Variants in IMMP2L observed in about 807,000 individuals in gnomAD.
IMMP2L encodes inner mitochondrial membrane peptidase subunit 2.
In IMMP2L, 18 loss-of-function variants were observed where a neutral mutation model predicts 19.3. The ratio of observed to expected loss-of-function variants is 0.93; its 90% CI spans 0.64 to 1.38. The LOEUF is 1.38. Among genes scored for constraint, IMMP2L ranks in the 40% most tolerant of loss-of-function variants. The probability of loss-of-function intolerance (pLI) is 0.00; values close to 1 mark genes in which losing one functional copy is unlikely to be tolerated. For missense variants in IMMP2L, 233 were observed against 218.2 expected (o/e 1.07, Z -0.43); for synonymous variants, 76 against 73.0 (o/e 1.04, Z -0.21).
chr7:111,216,433 T>C (rs1201551326), intron 3 of IMMP2L, among the ~76,000 whole-genome samples: 1 of 152,188 alleles, frequency 6.6e-6, no homozygotes, highest in East Asian at 1.9e-4. Flanking sequence ...TGCATAAATT[T>C]ATGGCGTACA....
Position 111,123,107 on chromosome 7 carries a change from T to TA in IMMP2L, c.240-159543dup. 3 of 1,613,642 alleles carry TA rather than the reference T, an allele frequency of 1.9e-6. No homozygotes were observed. The highest frequency in any genetic ancestry group is 2.5e-6 in the Non-Finnish European group (3 of 1,179,804). ...TTATCTTCAGTCACCAATATTAATGTAAAAAAGATGCCTCAGCTCCTTTCT... is the reference window on the plus strand; with the variant it reads ...TTATCTTCAGTCACCAATATTAATGTAAAAAAAGATGCCTCAGCTCCTTTCT... On this transcript the variant is annotated intron_variant, in intron 3 of 5. Coordinates refer to ENST00000405709, the MANE Select transcript of IMMP2L (RefSeq NM_032549.4). The surrounding 1 kb of genome is among the most constrained non-coding windows in gnomAD (Gnocchi z 6.4).
chr7:111,293,720 T>C (rs1461742621), intron 3 of IMMP2L, among the ~76,000 whole-genome samples: 1 of 151,942 alleles, frequency 6.6e-6, no homozygotes, highest in Non-Finnish European at 1.5e-5. Flanking sequence ...AGAGCTAACA[T>C]GCAATTTCTT....
intron 3 of IMMP2L, among the ~76,000 whole-genome samples, chr7:111,301,478 A>G (rs990837495): frequency 2.0e-5 from 3 of 151,894 alleles, no homozygotes; most frequent in Non-Finnish European, 4.4e-5. Flanking sequence ...CAATTTATCA[A>G]TCTTTCCTTC....
chr7:110,978,497 T>C (rs1210243054), intron 3 of IMMP2L, among the ~76,000 whole-genome samples: 4 of 151,918 alleles, frequency 2.6e-5, no homozygotes, highest in Non-Finnish European at 5.9e-5. Flanking sequence ...CCATTACTAT[T>C]TGCAATGTGG....
At chr7:111,075,577 T>G (rs1439170293) in intron 3 of IMMP2L, among the ~76,000 whole-genome samples, 1 of 152,238 alleles carries the variant, frequency 6.6e-6, no homozygotes, top group Non-Finnish European at 1.5e-5. Flanking sequence ...AGAATGTTTT[T>G]TCTCTGAGCC....
intron 5 of IMMP2L, among the ~76,000 whole-genome samples, chr7:110,834,018 C>T (rs573034420): frequency 3.7e-4 from 57 of 152,264 alleles, no homozygotes; most frequent in Non-Finnish European, 7.2e-4. Context: ...ATGCCAGTAA[C>T]TTGAGAATTA....
intron 3 of IMMP2L, 150 bp downstream of exon 3, chr7:111,487,088 C>G (rs1159501528): frequency 2.3e-6 from 1 of 433,794 alleles, no homozygotes; most frequent in African/African-American, 2.0e-5. Flanking sequence ...CATTGTTACA[C>G]TGCAAAATTG....
chr7:111,027,195 C>T (rs1435909350), intron 3 of IMMP2L, among the ~76,000 whole-genome samples: 1 of 152,090 alleles, frequency 6.6e-6, no homozygotes, highest in African/African-American at 2.4e-5. Flanking sequence ...TATAAACAAA[C>T]AACTCAGTAT....
intron 3 of IMMP2L, among the ~76,000 whole-genome samples, chr7:111,189,606 C>A (rs900538680): frequency 1.3e-5 from 2 of 151,632 alleles, no homozygotes; most frequent in Non-Finnish European, 2.9e-5. Flanking sequence ...CTAAACTCTA[C>A]AAATACTGAA....
At chr7:111,288,661 G>GA (rs1820757084) in intron 3 of IMMP2L, among the ~76,000 whole-genome samples, 1 of 151,946 alleles carries the variant, frequency 6.6e-6, no homozygotes, top group Non-Finnish European at 1.5e-5. Flanking sequence ...CAACAAACAT[G>GA]AAAAAAAGTT....
intron 2 of IMMP2L, among the ~76,000 whole-genome samples, chr7:111,519,176 T>C (rs561711624): frequency 6.6e-6 from 1 of 152,262 alleles, no homozygotes; most frequent in South Asian, 2.1e-4. Context: ...AAACTGGGCA[T>C]GCGAGCTGCC....
At chr7:111,527,997 G>T (rs1847041301) in intron 1 of IMMP2L, among the ~76,000 whole-genome samples, 1 of 152,004 alleles carries the variant, frequency 6.6e-6, no homozygotes, top group South Asian at 2.1e-4. Flanking sequence ...ATTGTGAGGG[G>T]CACCTATATT....
intron 3 of IMMP2L, among the ~76,000 whole-genome samples, chr7:111,079,593 C>T (rs933255445): frequency 1.4e-4 from 22 of 152,190 alleles, no homozygotes; most frequent in African/African-American, 5.1e-4. Flanking sequence ...ATTCAAAGCA[C>T]ATGTGTGCTT....
intron 3 of IMMP2L, among the ~76,000 whole-genome samples, chr7:111,118,477 T>G (rs897807574): frequency 9.9e-5 from 15 of 152,086 alleles, no homozygotes; most frequent in Admixed American, 8.5e-4. Flanking sequence ...TGTTTGATTT[T>G]AACGGCCTAA....
chr7:110,727,463 C>A lies in IMMP2L; in HGVS notation c.409-63742G>T, dbSNP rs904197020. ...TCAGACAGCACCAATGCTAGACTAA[C>A]ATTATGGAACTTATCAAGGAAGAAC... On this transcript the variant is annotated intron_variant, in intron 5 of 5. Coordinates refer to ENST00000405709, the MANE Select transcript of IMMP2L (RefSeq NM_032549.4). The surrounding 1 kb of genome is among the most constrained non-coding windows in gnomAD (Gnocchi z 4.3). 6.6e-6 allele frequency among the ~76,000 whole-genome samples: 1 copy of A among 152,086 alleles called. No homozygotes were observed. Among genetic ancestry groups the A allele is most frequent in the Non-Finnish European group, 1.5e-5 (1 of 68,020 alleles).
intron 3 of IMMP2L, among the ~76,000 whole-genome samples, chr7:111,217,359 C>A (rs115987174): frequency 6.6e-6 from 1 of 152,086 alleles, no homozygotes; most frequent in Admixed American, 6.6e-5. Context: ...GGCACCAGCA[C>A]TACTCCTAAT....
intron 3 of IMMP2L, among the ~76,000 whole-genome samples, chr7:111,055,051 CTTTT>C (rs113824921): frequency 7.4e-6 from 1 of 134,644 alleles, no homozygotes; most frequent in Non-Finnish European, 1.6e-5. Flanking sequence ...TTTCTTCCTT[CTTTT>C]TTTTTTTTTC....
chr7:111,516,017 G>A (rs1356443101), intron 2 of IMMP2L, among the ~76,000 whole-genome samples: 3 of 152,136 alleles, frequency 2.0e-5, no homozygotes, highest in Non-Finnish European at 4.4e-5. Context: ...GGACAGCACT[G>A]TCAGAGTTGG....
intron 5 of IMMP2L, among the ~76,000 whole-genome samples, chr7:110,687,270 G>C (rs1793182414): frequency 6.6e-6 from 1 of 151,938 alleles, no homozygotes; most frequent in Admixed American, 6.6e-5. Context: ...TTTTCATAAA[G>C]CTTTTAAAAA....
Sources: gnomAD v4.1 joint callset for allele counts (sites outside exome capture counted in the v4.1 genomes callset) on GRCh38, gnomAD v4.1.1 for gene constraint, Gnocchi (gnomAD v3.1) non-coding constraint, MANE v1.5 for transcripts, NCBI Gene and HGNC (gene_info 2026-07-23, HGNC 2026-07-21) for gene names.